SYT1: variants seen among roughly 807,000 people sequenced by gnomAD.
SYT1 encodes the protein synaptotagmin 1.
In SYT1, 8 loss-of-function variants were observed where a neutral mutation model predicts 44.8. The observed-to-expected ratio is 0.18, with a 90% CI of 0.10 to 0.32. The LOEUF (loss-of-function observed/expected upper bound fraction) is 0.32. Among genes scored for constraint, SYT1 ranks in the 10% least tolerant of loss-of-function variants. The probability of loss-of-function intolerance (pLI) is 1.00; values close to 1 mark genes in which losing one functional copy is unlikely to be tolerated. For synonymous variants in SYT1, 154 were observed against 188.8 expected (o/e 0.82, Z 1.51); for missense variants, 286 against 509.3 (o/e 0.56, Z 4.22).
At chr12:79,055,300 C>G (rs1233606506) in intron 3 of SYT1, among the ~76,000 whole-genome samples, 2 of 152,002 alleles carry the variant, frequency 1.3e-5, no homozygotes, top group African/African-American at 4.8e-5. Context: ...TGATATTAGT[C>G]TTTATTTTAT....
intron 9 of SYT1, among the ~76,000 whole-genome samples, chr12:79,432,502 T>G (rs901148979): frequency 6.6e-6 from 1 of 152,130 alleles, no homozygotes; most frequent in East Asian, 1.9e-4. Flanking sequence ...CTTTTTCTAA[T>G]GGGAGAAAAC....
intron 9 of SYT1, among the ~76,000 whole-genome samples, chr12:79,377,990 C>T (rs1010067530): frequency 3.3e-5 from 5 of 152,162 alleles, no homozygotes; most frequent in African/African-American, 1.2e-4. Context: ...TGACAAATTT[C>T]TCATATTTAT....
chr12:79,102,548 G>A (rs752969461), intron 3 of SYT1, among the ~76,000 whole-genome samples: 10 of 152,150 alleles, frequency 6.6e-5, no homozygotes, highest in Non-Finnish European at 1.5e-4. Context: ...TGGTTCACTT[G>A]TGTGTTTTCT....
chr12:79,149,075 C>T lies in SYT1; in HGVS notation c.-17-68428C>T, dbSNP rs752537923. Among the ~76,000 whole-genome samples the T allele has an allele frequency of 5.2e-4, 79 of 151,964 alleles. 1 individual carries two copies. Among genetic ancestry groups the T allele is most frequent in the Non-Finnish European group, 1.0e-3 (69 of 67,928 alleles). On this transcript the variant is annotated intron_variant, in intron 3 of 10. Coordinates refer to ENST00000261205, the MANE Select transcript of SYT1 (RefSeq NM_005639.3). ...TACTTTATATTTGAGTAAATAGTAG[C>T]TTTATTCTTCTGAGAGGGCTGTTTA...
chr12:79,415,568 G>T (rs77865012), intron 9 of SYT1, among the ~76,000 whole-genome samples: 7,834 of 152,220 alleles, frequency 0.051, 456 homozygotes, highest in East Asian at 0.21. Flanking sequence ...AGCTGCCTAC[G>T]ATTCCCTCGA....
intron 5 of SYT1, among the ~76,000 whole-genome samples, chr12:79,289,204 G>C (rs565535392): frequency 2.0e-5 from 3 of 152,096 alleles, no homozygotes; most frequent in Non-Finnish European, 2.9e-5. Context: ...ATATGCATGC[G>C]CACTTAATCT....
At chr12:79,003,837 T>C (rs185118802) in intron 2 of SYT1, among the ~76,000 whole-genome samples, 1 of 152,018 alleles carries the variant, frequency 6.6e-6, no homozygotes, top group East Asian at 1.9e-4. Flanking sequence ...TATTTTTTTT[T>C]CCATCTGGCA....
chr12:79,072,388 G>A (rs1195599581), intron 3 of SYT1, among the ~76,000 whole-genome samples: 1 of 151,980 alleles, frequency 6.6e-6, no homozygotes, highest in African/African-American at 2.4e-5. Context: ...AAACTTCAAA[G>A]TCAAAAATGT....
rs1565920019 is a variant in SYT1 at position 79,349,058 on chromosome 12, G to GAAAAAGAAAGAAAGAAAGAA, written c.811-4443_811-4442insAAAAGAAAGAAAGAAAGAAA. 1.4e-3 allele frequency among the ~76,000 whole-genome samples: 181 copies of GAAAAAGAAAGAAAGAAAGAA among 126,984 alleles called. 2 individuals carry two copies. Among genetic ancestry groups the GAAAAAGAAAGAAAGAAAGAA allele is most frequent in the African/African-American group, 5.1e-3 (163 of 31,656 alleles). 83.3% of individuals were successfully genotyped at this position (126,984 alleles called of 152,430 possible). ...AAAAGAAAGAAAGAAAGAAAGAAAGGAGGGAGGGAGGGAGGGAGGGAAGGA... is the reference window on the plus strand; with the variant it reads ...AAAAGAAAGAAAGAAAGAAAGAAAGGAAAAAGAAAGAAAGAAAGAAAGGGAGGGAGGGAGGGAGGGAAGGA... On this transcript the variant is annotated intron_variant, in intron 8 of 10. Coordinates refer to ENST00000261205, the MANE Select transcript of SYT1 (RefSeq NM_005639.3).
chr12:79,207,255 A>G (rs1874177914), intron 3 of SYT1, among the ~76,000 whole-genome samples: 1 of 152,202 alleles, frequency 6.6e-6, no homozygotes, highest in African/African-American at 2.4e-5. Context: ...AAAAGGAGCT[A>G]TCGATGGGCA....
rs1051646905 is a variant in SYT1, at chr12:78,974,398, A to T, written c.-216-3401A>T. 9.2e-5 allele frequency among the ~76,000 whole-genome samples: 14 copies of T among 151,888 alleles called. 1 individual carries two copies. Among genetic ancestry groups the T allele is most frequent in the Non-Finnish European group, 2.1e-4 (14 of 67,972 alleles). On this transcript the variant is annotated intron_variant, in intron 1 of 10. Transcript: ENST00000261205. The stretch of plus-strand genomic sequence containing the variant: ...AAAACAGATCAATCTACTAAACATC[A>T]GGTCTTCCGAAAATTATTATTATTA...
At position 78,880,503 on chromosome 12, in the gene SYT1, AAC is replaced by A. The variant is rs144790659; in HGVS notation, c.-217+15396_-217+15397del. 9.0e-3 allele frequency among the ~76,000 whole-genome samples: 1,366 copies of A among 151,700 alleles called. 29 individuals carry two copies. The highest frequency in any genetic ancestry group is 0.031 in the African/African-American group (1,290 of 41,474). On this transcript the variant is annotated intron_variant, in intron 1 of 10. Coordinates refer to ENST00000261205, the MANE Select transcript of SYT1 (RefSeq NM_005639.3). ...ATCATTAGACTGTAAATTCCATGAT[AAC>A]AGAGATTTTTATATTTTTTACTTCC...
intron 3 of SYT1, among the ~76,000 whole-genome samples, chr12:79,124,631 A>T (rs1005319754): frequency 1.3e-5 from 2 of 152,122 alleles, no homozygotes; most frequent in Admixed American, 1.3e-4. Flanking sequence ...CGCCATTATC[A>T]TCATCCTCAT....
At chr12:79,352,499 A>G (rs929917210) in intron 8 of SYT1, among the ~76,000 whole-genome samples, 1 of 152,160 alleles carries the variant, frequency 6.6e-6, no homozygotes, top group Non-Finnish European at 1.5e-5. Flanking sequence ...CTAATTCTGC[A>G]TGTCAGAAAG....
intron 9 of SYT1, among the ~76,000 whole-genome samples, chr12:79,371,164 A>C (rs1883773790): frequency 6.6e-6 from 1 of 152,182 alleles, no homozygotes; most frequent in African/African-American, 2.4e-5. Flanking sequence ...GAGAAAACTA[A>C]GGTTTGGAAA....
intron 9 of SYT1, among the ~76,000 whole-genome samples, chr12:79,371,277 C>T (rs1207449519): frequency 3.3e-5 from 5 of 152,190 alleles, no homozygotes; most frequent in Non-Finnish European, 7.4e-5. Context: ...ACAGCTTCCC[C>T]CACCTAGACA....
At chr12:78,998,449 A>G (rs1870519695) in intron 2 of SYT1, among the ~76,000 whole-genome samples, 1 of 152,314 alleles carries the variant, frequency 6.6e-6, no homozygotes, top group South Asian at 2.1e-4. Flanking sequence ...GAGCACTCTG[A>G]GAACAGAAGT....
Position 79,269,549 on chromosome 12 carries a change from C to T in SYT1, c.167-16238C>T, listed in dbSNP as rs143917347. On this transcript the variant is annotated intron_variant, in intron 4 of 10. Coordinates refer to ENST00000261205, the MANE Select transcript of SYT1 (RefSeq NM_005639.3). ...AAATGAACGGTTAAATGATCTGATG[C>T]AGGAATACGTTTTTCCTTTGGCCTT... Among the ~76,000 whole-genome samples the T allele has an allele frequency of 4.4e-3, 673 of 152,280 alleles. 1 individual carries two copies. The highest frequency in any genetic ancestry group is 0.015 in the African/African-American group (640 of 41,556).
At position 79,450,296 on chromosome 12, in the gene SYT1, A is replaced by G. The variant is rs2136214757; in HGVS notation, c.*1172A>G. The G allele has an allele frequency of 6.5e-6, 1 of 152,722 alleles. No homozygotes were observed. The highest frequency in any genetic ancestry group is 2.1e-4 in the South Asian group (1 of 4,824). The allele number at this position is 152,722 out of a possible 1,614,324, so 9.5% of individuals were successfully genotyped here. A position where few individuals can be genotyped will look rare whatever the true frequency, so the allele number is the denominator to read the frequency against. On this transcript the variant is annotated 3_prime_UTR_variant, in exon 11 of 11. Transcript: ENST00000261205. ...AGATGAAAGAAAAACAAAAACAAAA[A>G]CCAACAACAATTAGCCATAGTTCTG...
Sources: allele counts gnomAD v4.1 joint callset (sites outside exome capture counted in the v4.1 genomes callset), GRCh38; gene constraint gnomAD v4.1.1; transcripts MANE v1.5; gene names NCBI Gene and HGNC (gene_info 2026-07-23, HGNC 2026-07-21).